The following GNAQ variants were observed in gnomAD, a reference collection of about 807,000 sequenced individuals.
The protein encoded by GNAQ is G protein subunit alpha q.
In GNAQ, 8 loss-of-function variants were observed where a neutral mutation model predicts 43.9. That is an observed-to-expected ratio of 0.18 (90% CI 0.11 to 0.33). The LOEUF is 0.33. Ranked by LOEUF, GNAQ falls within the 10% of genes least tolerant of loss-of-function variation. GNAQ has a pLI of 1.00. For synonymous variants in GNAQ, 155 were observed against 170.7 expected (o/e 0.91, Z 0.71); for missense variants, 158 against 450.8 (o/e 0.35, Z 5.88).
intron 2 of GNAQ, among the ~76,000 whole-genome samples, chr9:77,870,064 T>A (rs1828011561): frequency 6.6e-6 from 1 of 152,136 alleles, no homozygotes; most frequent in Admixed American, 6.6e-5. Flanking sequence ...ATAGGAAAAA[T>A]AATTGCTTCC....
intron 1 of GNAQ, among the ~76,000 whole-genome samples, chr9:77,957,595 G>A (rs1403624475): frequency 3.9e-5 from 6 of 152,244 alleles, no homozygotes; most frequent in African/African-American, 1.4e-4. Context: ...AACTAGGTCA[G>A]ATTCACAGAG....
intron 6 of GNAQ, among the ~76,000 whole-genome samples, chr9:77,727,331 T>C (rs887930767): frequency 1.3e-5 from 2 of 152,186 alleles, no homozygotes; most frequent in African/African-American, 2.4e-5. Context: ...TAGACTCTTA[T>C]AGGGCAGCAG....
chr9:77,810,238 CTATCTATCTAT>C, intron 3 of GNAQ, among the ~76,000 whole-genome samples: 1 of 151,782 alleles, frequency 6.6e-6, no homozygotes, highest in South Asian at 2.1e-4. Context: ...ATCTATCTAT[CTATCTATCTAT>C]CTATCTATCT....
chr9:77,866,973 T>C (rs2118009237), intron 2 of GNAQ, among the ~76,000 whole-genome samples: 1 of 152,336 alleles, frequency 6.6e-6, no homozygotes, highest in Middle Eastern at 3.4e-3. Flanking sequence ...AATTTTAAAG[T>C]AGGTAGTTAC....
intron 2 of GNAQ, among the ~76,000 whole-genome samples, chr9:77,889,403 C>A (rs1455099339): frequency 1.2e-5 from 1 of 83,468 alleles, no homozygotes; most frequent in Non-Finnish European, 2.1e-5. Context: ...AAAGCCAGAC[C>A]CTGTCTCAAA....
intron 2 of GNAQ, among the ~76,000 whole-genome samples, chr9:77,900,601 C>G (rs1407561622): frequency 2.0e-5 from 3 of 152,124 alleles, no homozygotes; most frequent in African/African-American, 7.2e-5. Context: ...CTATGTTGCC[C>G]AGGCTGGACT....
intron 2 of GNAQ, among the ~76,000 whole-genome samples, chr9:77,890,218 C>T (rs1343636008): frequency 1.3e-5 from 2 of 152,100 alleles, no homozygotes; most frequent in Non-Finnish European, 2.9e-5. Context: ...GTTGGCATAC[C>T]ATACTCCTAG....
chr9:77,776,067 T>C (rs1826302443), intron 5 of GNAQ, among the ~76,000 whole-genome samples: 1 of 152,244 alleles, frequency 6.6e-6, no homozygotes, highest in African/African-American at 2.4e-5. Context: ...TTCAGATATC[T>C]GGAAATTAAC....
intron 2 of GNAQ, among the ~76,000 whole-genome samples, chr9:77,865,051 C>G (rs539603971): frequency 1.3e-5 from 2 of 152,262 alleles, no homozygotes; most frequent in African/African-American, 2.4e-5. Context: ...GAAAATTAAC[C>G]CCTTTTCACC....
chr9:77,967,417 A>C (rs1823182388), intron 1 of GNAQ, among the ~76,000 whole-genome samples: 1 of 152,144 alleles, frequency 6.6e-6, no homozygotes, highest in East Asian at 1.9e-4. Context: ...TTTCGGGTCC[A>C]GCTTTCTCTG....
intron 2 of GNAQ, among the ~76,000 whole-genome samples, chr9:77,901,927 C>T (rs1246969620): frequency 6.6e-6 from 1 of 152,172 alleles, no homozygotes; most frequent in Non-Finnish European, 1.5e-5. Context: ...GAACTAGCTT[C>T]CTTCGGCCTA....
intron 1 of GNAQ, among the ~76,000 whole-genome samples, chr9:77,958,415 T>A (rs961737945): frequency 6.6e-6 from 1 of 152,112 alleles, no homozygotes; most frequent in Non-Finnish European, 1.5e-5. Context: ...CTGCCAGCCA[T>A]GAAATGTGCT....
chr9:77,808,466 T>C (rs1285580880), intron 3 of GNAQ, among the ~76,000 whole-genome samples: 1 of 151,338 alleles, frequency 6.6e-6, no homozygotes, highest in Non-Finnish European at 1.5e-5. Flanking sequence ...CTTTGTGTTA[T>C]TATTGACACT....
chr9:78,020,442 A>C (rs989553025), intron 1 of GNAQ, among the ~76,000 whole-genome samples: 6 of 152,210 alleles, frequency 3.9e-5, no homozygotes, highest in African/African-American at 1.4e-4. Flanking sequence ...CTCTGGGAAC[A>C]AAAGGACAGG....
At chr9:77,828,057 C>T (rs1372989995) in intron 2 of GNAQ, among the ~76,000 whole-genome samples, 1 of 5,178 alleles carries the variant, frequency 1.9e-4, no homozygotes, top group Non-Finnish European at 3.7e-4. Context: ...GAGACTCCTC[C>T]TCAAAAAAAA....
chr9:77,787,598 G>T (rs1826502050), intron 5 of GNAQ, among the ~76,000 whole-genome samples: 1 of 152,150 alleles, frequency 6.6e-6, no homozygotes, highest in Non-Finnish European at 1.5e-5. Context: ...GGAAGCCTAT[G>T]AAAAGCAAAA....
intron 1 of GNAQ, among the ~76,000 whole-genome samples, chr9:77,945,330 A>AT (rs1487161959): frequency 3.9e-5 from 6 of 152,284 alleles, no homozygotes; most frequent in Admixed American, 2.6e-4. Flanking sequence ...AAGTAAGAAA[A>AT]TAAGTAGTTT....
intron 3 of GNAQ, among the ~76,000 whole-genome samples, chr9:77,806,960 T>C (rs1352109087): frequency 6.6e-6 from 1 of 152,210 alleles, no homozygotes; most frequent in Non-Finnish European, 1.5e-5. Context: ...AAATAGGTCA[T>C]ACTGATTTAA....
intron 2 of GNAQ, among the ~76,000 whole-genome samples, chr9:77,816,622 TAC>T: frequency 6.6e-6 from 1 of 152,148 alleles, no homozygotes; most frequent in Non-Finnish European, 1.5e-5. Flanking sequence ...CATATATATA[TAC>T]ACACACAAAG....
Sources: allele counts gnomAD v4.1 joint callset (sites outside exome capture counted in the v4.1 genomes callset), GRCh38; gene constraint gnomAD v4.1.1; transcripts MANE v1.5; gene names NCBI Gene and HGNC (gene_info 2026-07-23, HGNC 2026-07-21).